The following PMS1 variants were observed in gnomAD, a reference collection of about 807,000 sequenced individuals.
The protein encoded by PMS1 is PMS1 protein homolog 1.
A neutral mutation model predicts 93.1 loss-of-function variants in PMS1; 79 were observed. That is an observed-to-expected ratio of 0.85 (90% CI 0.71 to 1.02). The LOEUF is 1.02. Among genes scored for constraint, PMS1 ranks in the 50% least tolerant of loss-of-function variants. PMS1 has a pLI of 0.00. For missense variants in PMS1, 1,064 were observed against 1,085.3 expected (o/e 0.98, Z 0.28); for synonymous variants, 335 against 363.4 (o/e 0.92, Z 0.89).
intron 4 of PMS1, among the ~76,000 whole-genome samples, chr2:189,807,653 A>G (rs921585781): frequency 1.3e-5 from 2 of 152,228 alleles, no homozygotes; most frequent in African/African-American, 4.8e-5. Context: ...TGAAATAACA[A>G]TCCTTAGATA....
At chr2:189,855,767 T>A in intron 9 of PMS1, 1 of 360,014 alleles carries the variant, frequency 2.8e-6, no homozygotes, top group East Asian at 1.1e-4. Flanking sequence ...TTGCCATATT[T>A]AAATTAGATT....
At chr2:189,834,755 G>A (rs547924686) in intron 5 of PMS1, among the ~76,000 whole-genome samples, 19 of 152,046 alleles carry the variant, frequency 1.2e-4, no homozygotes, top group Non-Finnish European at 2.2e-4. Flanking sequence ...TTAGAGACAG[G>A]GTCTCACTCT....
chr2:189,853,279 C>T (rs2054955306), intron 7 of PMS1, among the ~76,000 whole-genome samples: 1 of 151,952 alleles, frequency 6.6e-6, no homozygotes, highest in African/African-American at 2.4e-5. Flanking sequence ...TGGTCTCGAA[C>T]TCCTGTCCTC....
rs190855869 is a variant in PMS1 at position 189,874,895 on chromosome 2, A to G, written c.2634+1239A>G. Among the ~76,000 whole-genome samples the G allele has an allele frequency of 2.6e-5, 4 of 152,282 alleles. No homozygotes were observed. In the East Asian group the frequency reaches 5.8e-4, roughly 22 times the overall value. ...GAGGGAGCTGTGGGTTGGAAGAACCATGTGGGGAGAAATAAGAGTTCAGAA... is the reference window on the plus strand; with the variant it reads ...GAGGGAGCTGTGGGTTGGAAGAACCGTGTGGGGAGAAATAAGAGTTCAGAA... On this transcript the variant is annotated intron_variant, in intron 12 of 12. Transcript: ENST00000441310.
intron 4 of PMS1, among the ~76,000 whole-genome samples, chr2:189,817,806 G>T (rs568734740): frequency 6.6e-6 from 1 of 152,304 alleles, no homozygotes; most frequent in South Asian, 2.1e-4. Context: ...AGACCACATA[G>T]ACGAGGTCAT....
intron 5 of PMS1, among the ~76,000 whole-genome samples, chr2:189,820,489 T>TG (rs1394404994): frequency 4.1e-4 from 63 of 152,038 alleles, no homozygotes; most frequent in Admixed American, 3.9e-3. Flanking sequence ...TGTAGGGATA[T>TG]GGGGGGTCTC....
At chr2:189,821,750 A>G (rs1263552288) in intron 5 of PMS1, among the ~76,000 whole-genome samples, 1 of 149,408 alleles carries the variant, frequency 6.7e-6, no homozygotes, top group Non-Finnish European at 1.5e-5. Context: ...CAGAGGTTGC[A>G]GTGAGCCGAG....
chr2:189,786,975 C>T (rs1365632927), intron 1 of PMS1, among the ~76,000 whole-genome samples: 3 of 152,134 alleles, frequency 2.0e-5, no homozygotes, highest in Non-Finnish European at 4.4e-5. Flanking sequence ...ATCGCTTGAA[C>T]CCGGGAGGTG....
In PMS1 at chr2:189,854,861, A is replaced by G. The variant is rs753446372; in HGVS notation, c.1589A>G (p.Asn530Ser). Residue 530 changes from asparagine to serine, a missense_variant, in exon 9 of 13, where the codon AAT becomes AGT. By Grantham distance (46) the Asn-to-Ser change is conservative. Coordinates refer to ENST00000441310, the MANE Select transcript of PMS1 (RefSeq NM_000534.5). ...AAAAGTTTACCATGTAAAGTAAGTA[A>G]TAATAATTATCCAATCCCTGAACAA... ...PEKSLPCKVS[N>S]NNYPIPEQMN... is the part of the protein sequence containing the mutation. 4 of 1,609,788 alleles carry G rather than the reference A, an allele frequency of 2.5e-6. No individual in the cohort carries two copies. Among genetic ancestry groups the G allele is most frequent in the Non-Finnish European group, 2.6e-6 (3 of 1,176,448 alleles).
chr2:189,807,898 A>C (rs1317751), intron 4 of PMS1, among the ~76,000 whole-genome samples: 34,469 of 152,002 alleles, frequency 0.23, 4,127 homozygotes, highest in African/African-American at 0.29. Context: ...TTTTTCACCT[A>C]ATTATAGTTG....
intron 2 of PMS1, among the ~76,000 whole-genome samples, chr2:189,793,347 A>G (rs1466245817): frequency 1.3e-5 from 2 of 152,154 alleles, no homozygotes; most frequent in African/African-American, 2.4e-5. Flanking sequence ...GGGGCCTGAG[A>G]ATTTGCATTT....
At chr2:189,852,802 T>C in intron 7 of PMS1, 25 bp downstream of exon 7, 1 of 1,433,260 alleles carries the variant, frequency 7.0e-7, no homozygotes, top group Non-Finnish European at 9.8e-7. Context: ...AAAAAAAAAA[T>C]TATTTGAATT....
chr2:189,788,640 A>AT (rs893739851), intron 1 of PMS1, among the ~76,000 whole-genome samples: 12 of 152,214 alleles, frequency 7.9e-5, no homozygotes, highest in African/African-American at 2.6e-4. Flanking sequence ...CATTAAACAG[A>AT]TTTTTTAAAA....
intron 5 of PMS1, among the ~76,000 whole-genome samples, chr2:189,822,128 G>T (rs2051961984): frequency 6.6e-6 from 1 of 152,300 alleles, no homozygotes; most frequent in African/African-American, 2.4e-5. Context: ...GTTGGCACGG[G>T]ACATGTGGGC....
intron 10 of PMS1, 90 bp downstream of exon 10, chr2:189,864,318 T>G: frequency 1.1e-6 from 1 of 939,250 alleles, no homozygotes; most frequent in Non-Finnish European, 1.7e-6. Context: ...TTGGGAATGT[T>G]TCCTAGTAAG....
intron 5 of PMS1, 92 bp from the exon 6 acceptor site, chr2:189,843,872 A>G: frequency 8.9e-7 from 1 of 1,119,060 alleles, no homozygotes; most frequent in Admixed American, 1.7e-5. Context: ...TAAGCTGAGG[A>G]TGAATGCAAA....
intron 5 of PMS1, among the ~76,000 whole-genome samples, chr2:189,820,839 C>G (rs920116296): frequency 9.9e-5 from 15 of 152,052 alleles, no homozygotes; most frequent in African/African-American, 3.6e-4. Context: ...TTTATTAAAG[C>G]TATGGTAGAA....
chr2:189,799,582 G>A (rs2049693408), intron 3 of PMS1, among the ~76,000 whole-genome samples: 2 of 152,296 alleles, frequency 1.3e-5, no homozygotes, highest in South Asian at 4.1e-4. Flanking sequence ...GATGATTTAG[G>A]TTTGATTGTA....
At chr2:189,798,345 G>A (rs1263159240) in intron 3 of PMS1, among the ~76,000 whole-genome samples, 1 of 152,214 alleles carries the variant, frequency 6.6e-6, no homozygotes, top group African/African-American at 2.4e-5. Context: ...TGAAGTTTAA[G>A]TGGGAGATTT....
Sources: allele counts gnomAD v4.1 joint callset (sites outside exome capture counted in the v4.1 genomes callset), GRCh38; gene constraint gnomAD v4.1.1; transcripts MANE v1.5; gene names NCBI Gene and HGNC (gene_info 2026-07-23, HGNC 2026-07-21).